Variants in FYB1 observed in about 807,000 individuals in gnomAD.
The protein encoded by FYB1 is FYN binding protein 1, also known as FYN-binding protein 1.
Under a neutral mutation model 94.1 loss-of-function variants are expected in FYB1, and 41 were observed. That is an observed-to-expected ratio of 0.44 (90% CI 0.34 to 0.57). The LOEUF (loss-of-function observed/expected upper bound fraction) is 0.57, where lower values mean the gene tolerates loss of function less well. Among genes scored for constraint, FYB1 ranks in the 20% least tolerant of loss-of-function variants. The pLI is 0.02. For missense variants in FYB1, 1,050 were observed against 976.8 expected, an observed-to-expected ratio of 1.07 and a Z score of -1.00; for synonymous variants, 367 against 353.2, an observed-to-expected ratio of 1.04 and a Z score of -0.44.
intron 2 of FYB1, among the ~76,000 whole-genome samples, chr5:39,199,472 A>G (rs1452915036): frequency 6.6e-6 from 1 of 152,204 alleles, no homozygotes; most frequent in Non-Finnish European, 1.5e-5. Flanking sequence ...TTTGGAAACA[A>G]CACAAATTGT....
chr5:39,167,271 G>GTC (rs144826320), intron 2 of FYB1, among the ~76,000 whole-genome samples: 2,783 of 150,802 alleles, frequency 0.018, 74 homozygotes, highest in Admixed American at 0.075. Flanking sequence ...CTCTCTCTCT[G>GTC]TCTCTCTCTC....
intron 1 of FYB1, chr5:39,269,581 C>G (rs1752584386): frequency 6.6e-6 from 1 of 152,362 alleles, no homozygotes; most frequent in Non-Finnish European, 1.5e-5. Context: ...ATTACCCTCT[C>G]TCACCTCTAC....
intron 2 of FYB1, among the ~76,000 whole-genome samples, chr5:39,157,499 C>G (rs900418560): frequency 6.6e-6 from 1 of 151,996 alleles, no homozygotes; most frequent in African/African-American, 2.4e-5. Flanking sequence ...GAAATAGGCT[C>G]TTAAAGATGA....
intron 1 of FYB1, among the ~76,000 whole-genome samples, chr5:39,267,358 TATC>T (rs10658182): frequency 0.021 from 2,982 of 145,294 alleles, 64 homozygotes; most frequent in African/African-American, 0.05. Flanking sequence ...GTGGGATAGC[TATC>T]ATCATCATCA....
At position 39,250,971 on chromosome 5, in the gene FYB1, C is replaced by T. The variant is rs76713594; in HGVS notation, c.-28+23432G>A. ...AATATTAACATCTTTAAGATGGAAT[C>T]ATGTCATTTTTGAGTGTTTTATTTG... On this transcript the variant is annotated intron_variant, in intron 1 of 1. Transcript: ENST00000510188. 6.2e-3 allele frequency among the ~76,000 whole-genome samples: 944 copies of T among 152,254 alleles called. 13 individuals carry two copies. Among genetic ancestry groups the T allele is most frequent in the African/African-American group, 0.022 (910 of 41,546 alleles).
chr5:39,176,599 T>G (rs932376133), intron 2 of FYB1, among the ~76,000 whole-genome samples: 16 of 152,238 alleles, frequency 1.1e-4, no homozygotes, highest in African/African-American at 3.6e-4. Context: ...ATGATTGGTC[T>G]TCATTTCTTG....
intron 1 of FYB1, among the ~76,000 whole-genome samples, chr5:39,236,077 C>A (rs1273532806): frequency 6.6e-6 from 1 of 151,772 alleles, no homozygotes; most frequent in African/African-American, 2.4e-5. Flanking sequence ...TTTTAGTTTT[C>A]TAAACCTCTC....
At position 39,202,921 on chromosome 5, in the gene FYB1, C is replaced by T. The variant is rs752519019; in HGVS notation, c.40G>A (p.Val14Ile). 1 of 1,613,980 alleles carries T rather than the reference C, an allele frequency of 6.2e-7. No individual in the cohort carries two copies. The highest frequency in any genetic ancestry group is 8.5e-7 in the Non-Finnish European group (1 of 1,179,870). Residue 14 changes from valine to isoleucine, a missense_variant, in exon 2 of 19, where the codon GTC becomes ATC. By Grantham distance (29) the Val-to-Ile change is conservative (BLOSUM62 3). Coordinates refer to ENST00000512982, the MANE Select transcript of FYB1 (RefSeq NM_001465.6). ...YNTGGNPTED[V>I]SVNSRPFRVT... ...CTGAAGGGTCGGCTATTGACTGAGA[C>T]ATCCTCTGTCGGGTTGCCCCCCGTG...
intron 11 of FYB1, among the ~76,000 whole-genome samples, chr5:39,127,234 C>A (rs1740764151): frequency 6.6e-6 from 1 of 151,146 alleles, no homozygotes; most frequent in African/African-American, 2.4e-5. Context: ...GTATTCAATA[C>A]TGGTTCTGCC....
intron 1 of FYB1, among the ~76,000 whole-genome samples, chr5:39,237,879 T>G (rs1751038593): frequency 6.6e-6 from 1 of 152,130 alleles, no homozygotes; most frequent in Non-Finnish European, 1.5e-5. Flanking sequence ...ACTCAGGGAA[T>G]GCGGATTAAT....
rs1414340947 is a variant in FYB1, at chr5:39,148,153, TTTTATATATATATATATATATATATA to T, written c.1292+5269_1292+5294del. ...TCATTATATGTATATTATATGTATT[TTTTATATATATATATATATATATATA>T]TATATATATATATATATATATATAT... On this transcript the variant is annotated intron_variant, in intron 3 of 18. Coordinates refer to ENST00000512982, the MANE Select transcript of FYB1 (RefSeq NM_001465.6). Among the ~76,000 whole-genome samples, 153 of 79,458 alleles carry T rather than the reference TTTTATATATATATATATATATATATA, an allele frequency of 1.9e-3. 12 individuals are homozygous for T. The highest frequency in any genetic ancestry group is 7.2e-3 in the Middle Eastern group (1 of 138). The allele number at this position is 79,458 out of a possible 152,430, so 52.1% of individuals were successfully genotyped here.
intron 1 of FYB1, among the ~76,000 whole-genome samples, chr5:39,215,689 T>C (rs567090711): frequency 6.6e-6 from 1 of 152,216 alleles, no homozygotes; most frequent in African/African-American, 2.4e-5. Context: ...TGGCAGAAAT[T>C]CAGTGGCAAG....
intron 12 of FYB1, among the ~76,000 whole-genome samples, chr5:39,124,710 G>A (rs1740459546): frequency 6.6e-6 from 1 of 152,022 alleles, no homozygotes; most frequent in South Asian, 2.1e-4. Context: ...AAAATTAATA[G>A]AGGTCACAGG....
At chr5:39,271,727 T>C (rs1020066564) in intron 1 of FYB1, among the ~76,000 whole-genome samples, 1 of 152,214 alleles carries the variant, frequency 6.6e-6, no homozygotes, top group Admixed American at 6.5e-5. Flanking sequence ...GGGGTTGAGT[T>C]CCAGAAGTAG....
At position 39,202,532 on chromosome 5, in the gene FYB1, G is replaced by A. The variant is rs1748444765; in HGVS notation, c.429C>T (p.Asn143=). The change falls in exon 2 of 19, where the codon AAC becomes AAT. Residue 143 remains asparagine, a synonymous_variant. Coordinates refer to ENST00000512982, the MANE Select transcript of FYB1 (RefSeq NM_001465.6). ...CTAGTGGCTTTAAGTCATGGTCTTG[G>A]TTTACACTGTGAAGAGATGGCTTGT... The part of the protein sequence containing the change: ...PGNKPSLHSV[N]QDHDLKPLGP... 1 of 1,613,870 alleles carries A rather than the reference G, an allele frequency of 6.2e-7. No individual in the cohort carries two copies. Among genetic ancestry groups the A allele is most frequent in the Admixed American group, 1.7e-5 (1 of 59,996 alleles).
intron 15 of FYB1, 110 bp downstream of exon 15, chr5:39,119,425 T>C: frequency 7.9e-6 from 6 of 760,788 alleles, no homozygotes; most frequent in Middle Eastern, 8.1e-4. Context: ...GTGTGCATTT[T>C]GTTACTTAAA....
chr5:39,200,770 C>G (rs930008622), intron 2 of FYB1, among the ~76,000 whole-genome samples: 96 of 152,176 alleles, frequency 6.3e-4, no homozygotes, highest in Admixed American at 6.3e-3. Flanking sequence ...AAACGAAAAA[C>G]AACCTTTAGG....
chr5:39,127,386 G>GACTT (rs1229076297), intron 11 of FYB1, among the ~76,000 whole-genome samples: 3 of 130,280 alleles, frequency 2.3e-5, no homozygotes, highest in South Asian at 2.4e-4. Context: ...TATTAGGAAA[G>GACTT]ACTTAAAAAA....
At chr5:39,130,540 C>T (rs199531502) in intron 10 of FYB1, 50 bp downstream of exon 10, 14 of 1,420,960 alleles carry the variant, frequency 9.9e-6, no homozygotes, top group African/African-American at 5.7e-5. Flanking sequence ...AAATACATGC[C>T]AATATATGTA....
Sources: allele counts gnomAD v4.1 joint callset (sites outside exome capture counted in the v4.1 genomes callset), GRCh38; gene constraint gnomAD v4.1.1; transcripts MANE v1.5; gene names NCBI Gene and HGNC (gene_info 2026-07-23, HGNC 2026-07-21).